The following SCP2 variants were observed in gnomAD, a reference collection of about 807,000 sequenced individuals.
The protein encoded by SCP2 is SCP-2/3-oxoacyl-CoA thiolase.
In SCP2, 48 loss-of-function variants were observed where a neutral mutation model predicts 71.4. The ratio of observed to expected loss-of-function variants is 0.67; its 90% CI spans 0.53 to 0.86. The LOEUF (loss-of-function observed/expected upper bound fraction) is 0.86. Ranked by LOEUF, SCP2 falls within the 40% of genes least tolerant of loss-of-function variation. SCP2 has a pLI of 0.00. For synonymous variants in SCP2, 220 were observed against 218.1 expected (o/e 1.01, Z -0.08); for missense variants, 560 against 655.6 (o/e 0.85, Z 1.59).
chr1:53,047,776 C>G, intron 14 of SCP2, 82 bp from the exon 15 acceptor site: 2 of 907,776 alleles, frequency 2.2e-6, no homozygotes, highest in Non-Finnish European at 3.7e-6. Context: ...AATTCTGTTG[C>G]AGTCAGTGGC....
chr1:52,997,105 A>G (rs944531896), intron 11 of SCP2, among the ~76,000 whole-genome samples: 1 of 152,254 alleles, frequency 6.6e-6, no homozygotes, highest in Non-Finnish European at 1.5e-5. Flanking sequence ...CATAATAGTC[A>G]AAAGCTGGAA....
chr1:52,965,812 T>A (rs1656903395), intron 6 of SCP2, among the ~76,000 whole-genome samples: 1 of 148,072 alleles, frequency 6.8e-6, no homozygotes, highest in Non-Finnish European at 1.5e-5. Context: ...TTTTTGTAGT[T>A]TTTTTTTTTT....
rs1663225833 is a variant in SCP2, at chr1:53,039,034, C to T, written c.1456C>T (p.Leu486Phe). 1 of 1,614,072 alleles carries T rather than the reference C, an allele frequency of 6.2e-7. No individual in the cohort carries two copies. Among genetic ancestry groups the T allele is most frequent in the African/African-American group, 1.3e-5 (1 of 74,938 alleles). The change falls in exon 14 of 16, where the codon CTT (leucine) becomes TTT (phenylalanine). Residue 486 changes from leucine (L) to phenylalanine (F), a missense_variant. This residue lies in a region of SCP2 where 4 missense variants were observed against 16.6 expected (regional missense o/e 0.24). Coordinates refer to ENST00000371514, the MANE Select transcript of SCP2 (RefSeq NM_002979.5). ...TGTGAAGAATGGCAAAGGATCAGTG[C>T]TTCCTAACTCAGGTTAGTTTGGGAA... ...VDVKNGKGSV[L>F]PNSDKKADCT...
At chr1:52,980,284 T>A in intron 9 of SCP2, 112 bp from the exon 10 acceptor site, 1 of 1,034,098 alleles carries the variant, frequency 9.7e-7, no homozygotes, top group Non-Finnish European at 1.4e-6. Flanking sequence ...AAAAATTTAA[T>A]ATATGTGGTC....
intron 13 of SCP2, among the ~76,000 whole-genome samples, chr1:53,036,864 C>T (rs1306653101): frequency 1.3e-5 from 2 of 151,878 alleles, no homozygotes; most frequent in African/African-American, 2.4e-5. Flanking sequence ...TGATTTTGGC[C>T]GTGTGCAGTA....
chr1:53,038,071 T>C (rs1190855573), intron 13 of SCP2, among the ~76,000 whole-genome samples: 3 of 151,568 alleles, frequency 2.0e-5, no homozygotes, highest in Non-Finnish European at 4.4e-5. Context: ...GCTTGAGCAC[T>C]GGAGATCGAC....
At chr1:52,937,164 G>A (rs539402820) in intron 1 of SCP2, among the ~76,000 whole-genome samples, 1 of 152,246 alleles carries the variant, frequency 6.6e-6, no homozygotes, top group African/African-American at 2.4e-5. Flanking sequence ...AGGAGATTAT[G>A]ATATGACTTC....
At chr1:52,941,973 T>C in intron 2 of SCP2, 120 bp downstream of exon 2, 1 of 714,778 alleles carries the variant, frequency 1.4e-6, no homozygotes. Context: ...GAAGAACCCG[T>C]ACAGAGAAAT....
intron 5 of SCP2, among the ~76,000 whole-genome samples, chr1:52,958,382 C>T (rs543855681): frequency 7.0e-4 from 106 of 152,148 alleles, no homozygotes; most frequent in African/African-American, 2.2e-3. Context: ...AGGCTCCCAC[C>T]GCCATGCCGG....
intron 6 of SCP2, among the ~76,000 whole-genome samples, chr1:52,966,708 A>G (rs907815589): frequency 6.7e-6 from 1 of 148,978 alleles, no homozygotes; most frequent in Non-Finnish European, 1.5e-5. Context: ...ACATGGCGAA[A>G]CCCCATTTCT....
intron 12 of SCP2, among the ~76,000 whole-genome samples, chr1:53,027,029 C>G (rs1662183568): frequency 6.6e-6 from 1 of 150,798 alleles, no homozygotes; most frequent in Non-Finnish European, 1.5e-5. Context: ...GCCTCTATCT[C>G]CCAGGCTCAG....
At chr1:52,999,086 A>T (rs1213352081) in intron 11 of SCP2, among the ~76,000 whole-genome samples, 1 of 152,060 alleles carries the variant, frequency 6.6e-6, no homozygotes. Context: ...ATGGTATAGC[A>T]TTTTTTGGGA....
chr1:52,952,751 A>C (rs1655431229), intron 4 of SCP2, among the ~76,000 whole-genome samples: 1 of 152,094 alleles, frequency 6.6e-6, no homozygotes, highest in African/African-American at 2.4e-5. Flanking sequence ...TGGGCAACAG[A>C]GCAAGACACT....
chr1:52,931,625 G>A (rs1653155624), intron 1 of SCP2, among the ~76,000 whole-genome samples: 1 of 152,228 alleles, frequency 6.6e-6, no homozygotes, highest in African/African-American at 2.4e-5. Flanking sequence ...TGGAATGGCT[G>A]CAGAGAAAAG....
chr1:53,038,496 C>A (rs1330242563), intron 13 of SCP2, among the ~76,000 whole-genome samples: 1 of 152,084 alleles, frequency 6.6e-6, no homozygotes, highest in African/African-American at 2.4e-5. Flanking sequence ...CCTCAAACTC[C>A]TGGGCTCAAG....
chr1:53,016,087 C>A (rs11206070), intron 12 of SCP2, among the ~76,000 whole-genome samples: 1 of 152,052 alleles, frequency 6.6e-6, no homozygotes, highest in African/African-American at 2.4e-5. Flanking sequence ...TGTGCACAAC[C>A]TGCAGGTTTG....
intron 11 of SCP2, among the ~76,000 whole-genome samples, chr1:52,993,029 T>C (rs1039939777): frequency 1.3e-5 from 2 of 152,212 alleles, no homozygotes; most frequent in African/African-American, 4.8e-5. Context: ...TGTCTGGAAA[T>C]GACCATTGTA....
chr1:52,991,573 G>T (rs1333945736), intron 11 of SCP2, among the ~76,000 whole-genome samples: 1 of 151,862 alleles, frequency 6.6e-6, no homozygotes, highest in Non-Finnish European at 1.5e-5. Flanking sequence ...GCTAATTTTT[G>T]TATTTTTAGT....
At chr1:52,958,616 T>A (rs1051068688) in intron 5 of SCP2, among the ~76,000 whole-genome samples, 7 of 151,874 alleles carry the variant, frequency 4.6e-5, no homozygotes, top group Middle Eastern at 3.4e-3. Context: ...TATGATGAAT[T>A]ATATTGATTG....
Sources: allele counts gnomAD v4.1 joint callset (sites outside exome capture counted in the v4.1 genomes callset), GRCh38; gene constraint gnomAD v4.1.1; regional missense constraint gnomAD v4.1.1; transcripts MANE v1.5; gene names NCBI Gene and HGNC (gene_info 2026-07-23, HGNC 2026-07-21).